The following SGCD variants were observed in gnomAD, a reference collection of about 807,000 sequenced individuals.
SGCD encodes delta-sarcoglycan.
A neutral mutation model predicts 36.6 loss-of-function variants in SGCD; 18 were observed. The ratio of observed to expected loss-of-function variants is 0.49; its 90% CI spans 0.34 to 0.73. The LOEUF (loss-of-function observed/expected upper bound fraction) is 0.73, where lower values mean the gene tolerates loss of function less well. Among genes scored for constraint, SGCD ranks in the 30% least tolerant of loss-of-function variants. SGCD has a pLI of 0.01. For missense variants in SGCD, 387 were observed against 346.7 expected, an observed-to-expected ratio of 1.12 and a Z score of -0.92; for synonymous variants, 133 against 130.6, an observed-to-expected ratio of 1.02 and a Z score of -0.12.
At chr5:156,616,971 T>C (rs80072297) in intron 6 of SGCD, among the ~76,000 whole-genome samples, 7,974 of 152,192 alleles carry the variant, frequency 0.052, 688 homozygotes, top group African/African-American at 0.18. Context: ...TCTGGCCCTT[T>C]ACAAAAAAAA....
intron 1 of SGCD, among the ~76,000 whole-genome samples, chr5:155,974,669 A>G (rs1191957389): frequency 5.9e-5 from 9 of 151,968 alleles, no homozygotes; most frequent in Admixed American, 5.9e-4. Flanking sequence ...CCTGCTGGAC[A>G]TAGGCTGGAA....
At chr5:155,840,389 G>A in the SGCD span, among the ~76,000 whole-genome samples, 1 of 149,118 alleles carries the variant, frequency 6.7e-6, no homozygotes, top group African/African-American at 2.5e-5. Flanking sequence ...GACTACAGGT[G>A]CCTGCCACCA....
chr5:155,797,687 A>T, the SGCD span, among the ~76,000 whole-genome samples: 7 of 152,350 alleles, frequency 4.6e-5, 1 homozygote, highest in South Asian at 1.4e-3. Context: ...CTAGACAAAA[A>T]ATCCCCAAGC....
At chr5:155,785,490 G>A in the SGCD span, among the ~76,000 whole-genome samples, 7 of 152,000 alleles carry the variant, frequency 4.6e-5, no homozygotes, top group Non-Finnish European at 7.4e-5. Context: ...TCACCATGCC[G>A]TGTAATAGGA....
intron 1 of SGCD, among the ~76,000 whole-genome samples, chr5:156,328,754 T>G (rs1338682367): frequency 6.6e-6 from 1 of 150,548 alleles, no homozygotes; most frequent in Non-Finnish European, 1.5e-5. Context: ...TTCATCTTCG[T>G]GTTGGGGTGG....
chr5:156,561,678 C>G (rs958728745), intron 4 of SGCD, among the ~76,000 whole-genome samples: 1 of 152,160 alleles, frequency 6.6e-6, no homozygotes, highest in Non-Finnish European at 1.5e-5. Context: ...GTGGGTTACT[C>G]AGGTCACTCC....
chr5:156,687,852 C>G (rs1372425566), intron 7 of SGCD, among the ~76,000 whole-genome samples: 2 of 152,162 alleles, frequency 1.3e-5, no homozygotes. Flanking sequence ...TGGATGGTAA[C>G]CATCGTTCGT....
intron 6 of SGCD, among the ~76,000 whole-genome samples, chr5:156,604,726 A>ATCTATGTATATATACATATATACACATTT (rs1761346462): frequency 9.1e-6 from 1 of 110,084 alleles, no homozygotes. Context: ...TATGCACATT[A>ATCTATGTATATATACATATATACACATTT]TATATGTATA....
chr5:156,363,346 C>A (rs1329371277), intron 3 of SGCD, among the ~76,000 whole-genome samples: 1 of 152,126 alleles, frequency 6.6e-6, no homozygotes, highest in Non-Finnish European at 1.5e-5. Flanking sequence ...TCAGTGATTA[C>A]CCCTGCAACC....
chr5:156,006,952 C>A (rs952609085), intron 1 of SGCD, among the ~76,000 whole-genome samples: 2 of 152,138 alleles, frequency 1.3e-5, no homozygotes, highest in South Asian at 4.1e-4. Flanking sequence ...AAATCATTTT[C>A]TTTTCTGTTT....
chr5:155,979,695 A>G (rs1758188200), intron 1 of SGCD, among the ~76,000 whole-genome samples: 1 of 152,040 alleles, frequency 6.6e-6, no homozygotes, highest in Non-Finnish European at 1.5e-5. Context: ...GCTGGCCCAC[A>G]AGGTTGATTC....
chr5:156,145,608 A>T (rs1223227013), intron 3 of SGCD, among the ~76,000 whole-genome samples: 1 of 152,176 alleles, frequency 6.6e-6, no homozygotes, highest in East Asian at 1.9e-4. Flanking sequence ...GACACTAATG[A>T]AAGCCTCCCA....
At chr5:156,132,366 T>C (rs28678150) in intron 3 of SGCD, among the ~76,000 whole-genome samples, 7,224 of 152,104 alleles carry the variant, frequency 0.047, 591 homozygotes, top group African/African-American at 0.16. Flanking sequence ...ATCACTTTTG[T>C]ACTTGTCTGT....
chr5:155,729,340 TGGGCAGACCTAGCCCTTA>T, the SGCD span, among the ~76,000 whole-genome samples: 3 of 152,240 alleles, frequency 2.0e-5, no homozygotes, highest in African/African-American at 7.2e-5. Context: ...TAAGAGATCG[TGGGCAGACCTAGCCCTTA>T]GGGCAGCCTA....
intron 3 of SGCD, among the ~76,000 whole-genome samples, chr5:156,474,392 G>A (rs1263791175): frequency 2.6e-5 from 4 of 152,164 alleles, no homozygotes; most frequent in Non-Finnish European, 5.9e-5. Context: ...ACCCTTCCTG[G>A]CCTGGGACCT....
intron 7 of SGCD, among the ~76,000 whole-genome samples, chr5:156,748,474 A>G (rs898061658): frequency 1.3e-5 from 2 of 152,222 alleles, no homozygotes; most frequent in Non-Finnish European, 2.9e-5. Context: ...TCCAAGGCAA[A>G]TAACAGAAGC....
intron 4 of SGCD, among the ~76,000 whole-genome samples, chr5:156,515,308 T>A (rs191400968): frequency 4.5e-4 from 68 of 152,296 alleles, no homozygotes; most frequent in Middle Eastern, 6.8e-3. Flanking sequence ...ACTCATTTTA[T>A]AACATAGCAA....
At chr5:155,908,742 C>T (rs1187621902) in intron 1 of SGCD, among the ~76,000 whole-genome samples, 3 of 152,186 alleles carry the variant, frequency 2.0e-5, no homozygotes, top group South Asian at 4.2e-4. Context: ...AATTAGATGA[C>T]GTCACTTTGG....
At chr5:156,149,908 G>C (rs1762794327) in intron 3 of SGCD, among the ~76,000 whole-genome samples, 1 of 152,128 alleles carries the variant, frequency 6.6e-6, no homozygotes, top group South Asian at 2.1e-4. Flanking sequence ...ATTCACATGG[G>C]GACCAGTTTA....
Sources: allele counts gnomAD v4.1 joint callset (sites outside exome capture counted in the v4.1 genomes callset), GRCh38; gene constraint gnomAD v4.1.1; transcripts MANE v1.5; gene names NCBI Gene and HGNC (gene_info 2026-07-23, HGNC 2026-07-21).